CAMK4: variants seen among roughly 807,000 people sequenced by gnomAD.
CAMK4 encodes calcium/calmodulin-dependent protein kinase type IV.
Under a neutral mutation model 44.9 loss-of-function variants are expected in CAMK4, and 22 were observed. The ratio of observed to expected loss-of-function variants is 0.49; its 90% CI spans 0.35 to 0.70. CAMK4 has a LOEUF of 0.70. Among genes scored for constraint, CAMK4 ranks in the 30% least tolerant of loss-of-function variants. The pLI is 0.01. For synonymous variants in CAMK4, 218 were observed against 215.4 expected, an observed-to-expected ratio of 1.01 and a Z score of -0.11; for missense variants, 498 against 586.8, an observed-to-expected ratio of 0.85 and a Z score of 1.56.
rs369071182 is a variant in CAMK4, at chr5:111,321,596, T to TG, written c.162-22427dup. On this transcript the variant is annotated intron_variant, in intron 1 of 10. Transcript: ENST00000282356. Reference sequence around the variant, plus strand: ...CCATCTGGTATAGCTCTCAGCCACATGAATCCTTTAGAAACAGCAGTGGGT... The same window carrying TG: ...CCATCTGGTATAGCTCTCAGCCACATGGAATCCTTTAGAAACAGCAGTGGGT... Among the ~76,000 whole-genome samples the TG allele has an allele frequency of 2.0e-3, 304 of 152,292 alleles. 1 individual carries two copies. Among genetic ancestry groups the TG allele is most frequent in the African/African-American group, 6.9e-3 (285 of 41,570 alleles).
chr5:111,228,360 A>G (rs948057754), intron 1 of CAMK4, among the ~76,000 whole-genome samples: 5 of 152,152 alleles, frequency 3.3e-5, no homozygotes, highest in African/African-American at 1.2e-4. Flanking sequence ...TAAATAATAC[A>G]TTTATGTGTC....
At chr5:111,224,362 G>A, upstream of CAMK4, 1 of 1,316,106 alleles carries the variant, frequency 7.6e-7, no homozygotes, top group Non-Finnish European at 9.7e-7. The surrounding 1 kb of genome is among the most constrained non-coding windows in gnomAD (Gnocchi z 5.7). Context: ...GTGGGCGTGT[G>A]CGCGCGTGAA....
At chr5:111,400,455 G>A (rs1322697761) in intron 5 of CAMK4, among the ~76,000 whole-genome samples, 3 of 152,138 alleles carry the variant, frequency 2.0e-5, no homozygotes, top group South Asian at 2.1e-4. Context: ...TAGGCTGGTT[G>A]TTGAAAGCAT....
intron 2 of CAMK4, among the ~76,000 whole-genome samples, chr5:111,349,956 G>A (rs1750023952): frequency 6.6e-6 from 1 of 151,938 alleles, no homozygotes; most frequent in Admixed American, 6.6e-5. Flanking sequence ...CTAGTATTGA[G>A]TCTGAGATCT....
intron 2 of CAMK4, among the ~76,000 whole-genome samples, chr5:111,352,886 A>G (rs554607162): frequency 3.9e-5 from 6 of 152,198 alleles, no homozygotes; most frequent in African/African-American, 1.4e-4. Context: ...CAGACAAACC[A>G]TACCACTACT....
At chr5:111,248,731 G>A (rs567249421) in intron 1 of CAMK4, among the ~76,000 whole-genome samples, 5 of 152,258 alleles carry the variant, frequency 3.3e-5, no homozygotes, top group African/African-American at 1.2e-4. Context: ...ATCAAACAGA[G>A]ATGAGGTTTG....
chr5:111,429,394 A>C (rs1753348933), intron 5 of CAMK4, among the ~76,000 whole-genome samples: 1 of 152,176 alleles, frequency 6.6e-6, no homozygotes. Flanking sequence ...GAAATGGACA[A>C]GTTCCTAGAT....
intron 1 of CAMK4, among the ~76,000 whole-genome samples, chr5:111,315,813 A>G (rs1175177804): frequency 6.6e-6 from 1 of 152,130 alleles, no homozygotes. Flanking sequence ...GCAGCCAGTG[A>G]CAGCTTCTTC....
chr5:111,409,155 C>G (rs1306269864), intron 5 of CAMK4, among the ~76,000 whole-genome samples: 1 of 152,168 alleles, frequency 6.6e-6, no homozygotes, highest in Non-Finnish European at 1.5e-5. Flanking sequence ...GGCTACAACC[C>G]TATATTTCCC....
At chr5:111,249,423 ATATAG>A (rs1463430840) in intron 1 of CAMK4, among the ~76,000 whole-genome samples, 2 of 151,298 alleles carry the variant, frequency 1.3e-5, no homozygotes, top group East Asian at 3.9e-4. Context: ...TGTATGTATA[ATATAG>A]TATTTGAATA....
chr5:111,234,428 T>C (rs1049985726), intron 1 of CAMK4, among the ~76,000 whole-genome samples: 52 of 152,024 alleles, frequency 3.4e-4, no homozygotes, highest in African/African-American at 1.3e-3. Flanking sequence ...AAGCAGAGGG[T>C]GAACTTAACT....
chr5:111,258,545 G>A (rs433071), intron 1 of CAMK4, among the ~76,000 whole-genome samples: 108,762 of 151,960 alleles, frequency 0.72, 40,310 homozygotes, highest in African/African-American at 0.92. Flanking sequence ...TCCCTGATAA[G>A]CCCATCAGAT....
At chr5:111,334,823 T>A (rs1749329107) in intron 1 of CAMK4, among the ~76,000 whole-genome samples, 1 of 151,164 alleles carries the variant, frequency 6.6e-6, no homozygotes. Context: ...AAGAATAAAA[T>A]CAAACCAATT....
chr5:111,462,833 T>C (rs528586083), intron 7 of CAMK4, among the ~76,000 whole-genome samples: 3 of 152,350 alleles, frequency 2.0e-5, no homozygotes, highest in Middle Eastern at 3.4e-3. Context: ...TTTTATTTGA[T>C]AAAGTGAAAT....
chr5:111,231,339 G>A (rs1748465751), intron 1 of CAMK4, among the ~76,000 whole-genome samples: 1 of 152,094 alleles, frequency 6.6e-6, no homozygotes, highest in Admixed American at 6.5e-5. Flanking sequence ...ATAGACTTCT[G>A]GCCCAGGAAA....
At chr5:111,429,489 A>G (rs926275954) in intron 5 of CAMK4, among the ~76,000 whole-genome samples, 3 of 150,520 alleles carry the variant, frequency 2.0e-5, no homozygotes, top group Non-Finnish European at 4.5e-5. Context: ...AGCCATGGCC[A>G]GGTGGAGTGG....
chr5:111,233,483 G>A (rs75523834), intron 1 of CAMK4, among the ~76,000 whole-genome samples: 2,123 of 152,220 alleles, frequency 0.014, 20 homozygotes, highest in East Asian at 0.055. Flanking sequence ...TGAAAATGAA[G>A]AGCCTTTATT....
At chr5:111,324,561 G>A (rs562571007) in intron 1 of CAMK4, among the ~76,000 whole-genome samples, 17 of 151,736 alleles carry the variant, frequency 1.1e-4, no homozygotes, top group Non-Finnish European at 2.5e-4. Context: ...TAACAGATAA[G>A]GCAAAAATTG....
chr5:111,245,847 C>A (rs898967799), intron 1 of CAMK4, among the ~76,000 whole-genome samples: 1 of 152,184 alleles, frequency 6.6e-6, no homozygotes, highest in Non-Finnish European at 1.5e-5. Flanking sequence ...TGTGAACAAA[C>A]CTATCAGCCA....
Sources: allele counts gnomAD v4.1 joint callset (sites outside exome capture counted in the v4.1 genomes callset), GRCh38; gene constraint gnomAD v4.1.1; non-coding constraint Gnocchi (gnomAD v3.1); transcripts MANE v1.5; gene names NCBI Gene and HGNC (gene_info 2026-07-23, HGNC 2026-07-21).